TSHZ3: variants seen among roughly 807,000 people sequenced by gnomAD.
TSHZ3 encodes the protein teashirt homolog 3.
TSHZ3 carries 10 observed loss-of-function variants against 64.5 expected under a neutral mutation model. The observed-to-expected ratio is 0.16, with a 90% confidence interval of 0.10 to 0.26. TSHZ3 has a LOEUF of 0.26. TSHZ3 is among the 10% of genes least tolerant of loss of function. The pLI is 1.00. For synonymous variants in TSHZ3, 608 were observed against 593.1 expected, an observed-to-expected ratio of 1.03 and a Z score of -0.36; for missense variants, 1,242 against 1,421.7, an observed-to-expected ratio of 0.87 and a Z score of 2.03.
At chr19:31,244,610 A>G (rs964188973) in intron 1 of TSHZ3, among the ~76,000 whole-genome samples, 5 of 152,238 alleles carry the variant, frequency 3.3e-5, no homozygotes, top group Non-Finnish European at 7.3e-5. Context: ...TGATTTATCC[A>G]CATAATGGGA....
intron 1 of TSHZ3, among the ~76,000 whole-genome samples, chr19:31,250,737 G>C (rs150129973): frequency 3.3e-5 from 5 of 152,222 alleles, no homozygotes; most frequent in Admixed American, 6.5e-5. Context: ...CATCTGTGAA[G>C]TGGGGACAAG....
chr19:31,312,159 T>C (rs1334744183), intron 1 of TSHZ3, among the ~76,000 whole-genome samples: 7 of 152,166 alleles, frequency 4.6e-5, no homozygotes, highest in African/African-American at 1.4e-4. Context: ...AAAAGAGTGT[T>C]TTGCAGGCTG....
intron 1 of TSHZ3, among the ~76,000 whole-genome samples, chr19:31,265,741 C>T (rs1163622564): frequency 6.6e-6 from 1 of 152,188 alleles, no homozygotes; most frequent in Non-Finnish European, 1.5e-5. Context: ...CCTACTGTCA[C>T]TATTGTGAAA....
chr19:31,159,701 C>A lies in TSHZ3; in HGVS notation n.810-3284G>T, dbSNP rs183620064. 2.0e-3 allele frequency among the ~76,000 whole-genome samples: 298 copies of A among 150,494 alleles called. 1 individual carries two copies. The highest frequency in any genetic ancestry group is 5.7e-3 in the African/African-American group (232 of 41,056). On this transcript the variant is annotated intron_variant and non_coding_transcript_variant, in intron 5 of 6. Transcript: ENST00000651361. Reference sequence around the variant, plus strand: ...TTATGAAGTGACTTTTATTTTTTTTCTTTTTTTTTCAGATAGGTTCTCATT... The same window carrying A: ...TTATGAAGTGACTTTTATTTTTTTTATTTTTTTTTCAGATAGGTTCTCATT...
intron 5 of TSHZ3, among the ~76,000 whole-genome samples, chr19:31,183,947 A>AG (rs1974765230): frequency 6.6e-6 from 1 of 152,150 alleles, no homozygotes; most frequent in African/African-American, 2.4e-5. Flanking sequence ...AAATCTTCCA[A>AG]CAATGTGTCT....
chr19:31,312,527 T>C (rs770349832), intron 1 of TSHZ3, among the ~76,000 whole-genome samples: 8 of 152,132 alleles, frequency 5.3e-5, no homozygotes, highest in Non-Finnish European at 8.8e-5. Flanking sequence ...GGCTTCCTAA[T>C]GTCCTCTCTC....
At chr19:31,346,764 G>C (rs540819588) in intron 1 of TSHZ3, among the ~76,000 whole-genome samples, 1 of 150,498 alleles carries the variant, frequency 6.6e-6, no homozygotes, top group Non-Finnish European at 1.5e-5. Context: ...AAAATGGGAA[G>C]TTTCTGGTCC....
chr19:31,157,832 C>T (rs1323265649), intron 5 of TSHZ3, among the ~76,000 whole-genome samples: 1 of 152,124 alleles, frequency 6.6e-6, no homozygotes, highest in African/African-American at 2.4e-5. Flanking sequence ...AATATAACAA[C>T]ATTATGCTCC....
At chr19:31,205,056 C>A (rs1975146537) in exon 5 of TSHZ3, 1 of 152,166 alleles carries the variant, frequency 6.6e-6, no homozygotes, top group Non-Finnish European at 1.5e-5. Context: ...GGGCTGCGAT[C>A]CTTCCTGGAC....
In TSHZ3 at chr19:31,172,423, C is replaced by G. The variant is rs73552068; in HGVS notation, n.810-16006G>C. Reference sequence around the variant, plus strand: ...ATGGTGGTGGCAGCAGTACAAATCTCCCATGTACACTGCTTTGTTACCTTA... The same window carrying G: ...ATGGTGGTGGCAGCAGTACAAATCTGCCATGTACACTGCTTTGTTACCTTA... On this transcript the variant is annotated intron_variant and non_coding_transcript_variant, in intron 5 of 6. Transcript: ENST00000651361. Among the ~76,000 whole-genome samples, 218 of 152,294 alleles carry G rather than the reference C, an allele frequency of 1.4e-3. 1 individual carries two copies. The highest frequency in any genetic ancestry group is 4.9e-3 in the African/African-American group (204 of 41,558).
intron 5 of TSHZ3, among the ~76,000 whole-genome samples, chr19:31,177,847 C>G (rs146705071): frequency 6.6e-6 from 1 of 152,130 alleles, no homozygotes; most frequent in Non-Finnish European, 1.5e-5. Flanking sequence ...TATAGCACTG[C>G]GCAGAGAGGG....
chr19:31,311,784 C>T (rs1916465746), intron 1 of TSHZ3, among the ~76,000 whole-genome samples: 1 of 152,078 alleles, frequency 6.6e-6, no homozygotes, highest in Admixed American at 6.6e-5. Flanking sequence ...AGTGCAGTGG[C>T]ACTATCTCAG....
upstream of TSHZ3, among the ~76,000 whole-genome samples, chr19:31,350,484 G>A (rs2021687276): frequency 6.6e-6 from 1 of 151,554 alleles, no homozygotes; most frequent in African/African-American, 2.4e-5. Flanking sequence ...CGGGACGGGG[G>A]CGGGAGAAGG....
chr19:31,277,448 T>C lies in TSHZ3; in HGVS notation c.2345A>G (p.Tyr782Cys). 6.2e-7 allele frequency: 1 copy of C among 1,613,962 alleles called. No homozygotes were observed. Among genetic ancestry groups the C allele is most frequent in the Non-Finnish European group, 8.5e-7 (1 of 1,179,940 alleles). The change falls in exon 2 of 2, where the codon TAC becomes TGC. Residue 782 changes from tyrosine to cysteine, a missense_variant. Tyr to Cys is a radical substitution (Grantham distance 194, BLOSUM62 -2). Around this residue, in one of 4 missense-constraint regions of TSHZ3, gnomAD observed 550 missense variants for 545.1 expected, o/e 1.01. Transcript: ENST00000240587. The surrounding 1 kb of genome is among the most constrained non-coding windows in gnomAD (Gnocchi z 4.5). Reference protein sequence around the residue: ...KKADHLDRYFYHVNNDQPIDL... With the variant: ...KKADHLDRYFCHVNNDQPIDL... The stretch of plus-strand genomic sequence containing the variant: ...TATGGGCTGGTCGTTGTTGACGTGG[T>C]AGAAATAGCGGTCGAGGTGGTCTGC...
intron 5 of TSHZ3, among the ~76,000 whole-genome samples, chr19:31,165,577 A>G (rs1974437984): frequency 6.6e-6 from 1 of 152,114 alleles, no homozygotes. Flanking sequence ...AGAAGACCCG[A>G]GTGCAGCTCA....
At chr19:31,190,416 C>G (rs777937881) in intron 5 of TSHZ3, among the ~76,000 whole-genome samples, 1 of 152,074 alleles carries the variant, frequency 6.6e-6, no homozygotes, top group Non-Finnish European at 1.5e-5. Context: ...TCTAAATATT[C>G]CAGGAATTCA....
intron 5 of TSHZ3, among the ~76,000 whole-genome samples, chr19:31,193,552 C>A (rs1262996986): frequency 1.3e-5 from 2 of 152,172 alleles, no homozygotes; most frequent in Non-Finnish European, 2.9e-5. Flanking sequence ...GTGTCGCGAT[C>A]CTGCATGTTA....
rs572014123 is a variant in TSHZ3, at chr19:31,166,661, G to A, written n.810-10244C>T. ...TAGGCTTTGGGTTCACAGGAAGCCT[G>A]TCTAGGGCAGTCAAGATGCCGGTGC... On this transcript the variant is annotated intron_variant and non_coding_transcript_variant, in intron 5 of 6. Transcript: ENST00000651361. Among the ~76,000 whole-genome samples the A allele has an allele frequency of 2.4e-4, 36 of 152,316 alleles. 1 individual carries two copies. Among genetic ancestry groups the A allele is most frequent in the African/African-American group, 8.4e-4 (35 of 41,582 alleles).
At chr19:31,158,164 A>G (rs1051667597) in intron 5 of TSHZ3, among the ~76,000 whole-genome samples, 2 of 152,206 alleles carry the variant, frequency 1.3e-5, no homozygotes, top group African/African-American at 2.4e-5. Context: ...TGCCCTCCAA[A>G]ACCATAGCTT....
Sources: gnomAD v4.1 joint callset for allele counts (sites outside exome capture counted in the v4.1 genomes callset) on GRCh38, gnomAD v4.1.1 for gene constraint, gnomAD v4.1.1 regional missense constraint, Gnocchi (gnomAD v3.1) non-coding constraint, MANE v1.5 for transcripts, NCBI Gene and HGNC (gene_info 2026-07-23, HGNC 2026-07-21) for gene names.